The following ROBO2 variants were observed in gnomAD, a reference collection of about 807,000 sequenced individuals.
The protein encoded by ROBO2 is roundabout guidance receptor 2.
ROBO2 carries 53 observed loss-of-function variants against 160.8 expected under a neutral mutation model. That is an observed-to-expected ratio of 0.33 (90% CI 0.26 to 0.41). The LOEUF (loss-of-function observed/expected upper bound fraction) is 0.41, where lower values mean the gene tolerates loss of function less well. Ranked by LOEUF, ROBO2 falls within the 10% of genes least tolerant of loss-of-function variation. The probability of loss-of-function intolerance (pLI) is 1.00; values close to 1 mark genes in which losing one functional copy is unlikely to be tolerated. For synonymous variants in ROBO2, 664 were observed against 611.7 expected (o/e 1.09, Z -1.26); for missense variants, 1,577 against 1,722.4 (o/e 0.92, Z 1.49).
At chr3:76,117,750 G>T (rs902597481) in intron 2 of ROBO2, among the ~76,000 whole-genome samples, 3 of 152,094 alleles carry the variant, frequency 2.0e-5, no homozygotes, top group Non-Finnish European at 4.4e-5. Context: ...ACATTCTAGT[G>T]GGGGAGACAG....
At chr3:76,983,987 G>C (rs546869875) in intron 2 of ROBO2, among the ~76,000 whole-genome samples, 1 of 152,296 alleles carries the variant, frequency 6.6e-6, no homozygotes, top group East Asian at 1.9e-4. Flanking sequence ...AGGAGACGCA[G>C]GCACCTTGTT....
intron 1 of ROBO2, among the ~76,000 whole-genome samples, chr3:77,065,544 T>C (rs1435727532): frequency 1.3e-5 from 2 of 152,192 alleles, no homozygotes; most frequent in Non-Finnish European, 2.9e-5. Flanking sequence ...CATTTGAGTA[T>C]TGGTGATCAA....
chr3:77,354,676 A>AT (rs771075343), intron 2 of ROBO2, among the ~76,000 whole-genome samples: 4 of 152,154 alleles, frequency 2.6e-5, no homozygotes, highest in South Asian at 4.1e-4. Context: ...GAGCATAGGT[A>AT]TTTTTTTGAA....
At chr3:76,426,380 C>T (rs2108975816) in intron 2 of ROBO2, among the ~76,000 whole-genome samples, 1 of 152,016 alleles carries the variant, frequency 6.6e-6, no homozygotes, top group South Asian at 2.1e-4. Context: ...ATTGAGGAGC[C>T]TGGGAAGGTT....
chr3:77,001,896 C>T (rs1429475586), intron 2 of ROBO2, among the ~76,000 whole-genome samples: 1 of 152,160 alleles, frequency 6.6e-6, no homozygotes, highest in African/African-American at 2.4e-5. Context: ...ATCCTATCTT[C>T]TTTTATGTGT....
At chr3:76,620,918 T>G (rs2089020219) in intron 2 of ROBO2, among the ~76,000 whole-genome samples, 1 of 152,210 alleles carries the variant, frequency 6.6e-6, no homozygotes, top group Non-Finnish European at 1.5e-5. Flanking sequence ...GTTTTGTTTT[T>G]AATTTTAGAT....
At chr3:76,994,090 G>GC (rs1270356187) in intron 2 of ROBO2, among the ~76,000 whole-genome samples, 1 of 98,978 alleles carries the variant, frequency 1.0e-5, no homozygotes, top group African/African-American at 4.6e-5. Flanking sequence ...TGCTTTTTTT[G>GC]TTTTTTTTTT....
At chr3:77,171,910 A>G (rs2079680827) in intron 2 of ROBO2, among the ~76,000 whole-genome samples, 1 of 152,220 alleles carries the variant, frequency 6.6e-6, no homozygotes. Flanking sequence ...ACCACCTGGA[A>G]TAAAAGAGCC....
At chr3:76,904,248 T>C (rs2075438343) in intron 2 of ROBO2, among the ~76,000 whole-genome samples, 1 of 152,160 alleles carries the variant, frequency 6.6e-6, no homozygotes, top group Non-Finnish European at 1.5e-5. Flanking sequence ...CTATTTCTGC[T>C]AGGGTAAAGA....
chr3:76,760,180 T>C (rs1158628542), intron 2 of ROBO2, among the ~76,000 whole-genome samples: 1 of 151,814 alleles, frequency 6.6e-6, no homozygotes, highest in Admixed American at 6.6e-5. Flanking sequence ...GGTAATATGA[T>C]TCTAACAATA....
chr3:77,391,211 A>G (rs2074690362), intron 2 of ROBO2, among the ~76,000 whole-genome samples: 1 of 152,164 alleles, frequency 6.6e-6, no homozygotes. Context: ...TTCCTAAAAA[A>G]TTGCTTATAA....
chr3:76,596,065 G>T (rs2086714775), intron 2 of ROBO2, among the ~76,000 whole-genome samples: 1 of 151,780 alleles, frequency 6.6e-6, no homozygotes, highest in Non-Finnish European at 1.5e-5. Flanking sequence ...AAAGGTTTGG[G>T]GAATAAAAGT....
chr3:76,922,962 G>A (rs1205396452), intron 2 of ROBO2, among the ~76,000 whole-genome samples: 1 of 152,208 alleles, frequency 6.6e-6, no homozygotes. Context: ...CTCATGATCA[G>A]GAATTCATCT....
At chr3:76,908,616 G>A (rs2075771594) in intron 2 of ROBO2, among the ~76,000 whole-genome samples, 2 of 152,012 alleles carry the variant, frequency 1.3e-5, no homozygotes, top group Non-Finnish European at 2.9e-5. Context: ...ATCCTTTTAC[G>A]AACAACTGCT....
chr3:77,481,717 A>G (rs550845832), intron 4 of ROBO2, among the ~76,000 whole-genome samples: 1 of 152,298 alleles, frequency 6.6e-6, no homozygotes, highest in African/African-American at 2.4e-5. Context: ...CAGAAAATGG[A>G]CCCCTAAAAT....
intron 2 of ROBO2, among the ~76,000 whole-genome samples, chr3:75,959,245 G>A (rs1449597731): frequency 6.6e-6 from 1 of 151,610 alleles, no homozygotes; most frequent in Non-Finnish European, 1.5e-5. Context: ...TTGGGTTGAT[G>A]ACCACTGTAA....
intron 2 of ROBO2, among the ~76,000 whole-genome samples, chr3:76,742,379 G>C (rs9856149): frequency 0.018 from 2,743 of 152,094 alleles, 67 homozygotes; most frequent in African/African-American, 0.058. Context: ...TTACCCACTG[G>C]ATAAAAGGGT....
chr3:76,453,056 T>C (rs1300916022), intron 2 of ROBO2, among the ~76,000 whole-genome samples: 1 of 152,200 alleles, frequency 6.6e-6, no homozygotes, highest in African/African-American at 2.4e-5. Context: ...TTTGAGTTCA[T>C]TGTAGATTCT....
At chr3:77,572,483 T>A (rs1024952429) in intron 13 of ROBO2, among the ~76,000 whole-genome samples, 2 of 151,248 alleles carry the variant, frequency 1.3e-5, no homozygotes, top group Admixed American at 1.3e-4. Flanking sequence ...AGCTTCCATG[T>A]TACACCTGGG....
Sources: allele counts gnomAD v4.1 joint callset (sites outside exome capture counted in the v4.1 genomes callset), GRCh38; gene constraint gnomAD v4.1.1; transcripts MANE v1.5; gene names NCBI Gene and HGNC (gene_info 2026-07-23, HGNC 2026-07-21).